CNTNAP2: variants seen among roughly 807,000 people sequenced by gnomAD.
CNTNAP2 encodes the protein contactin associated protein 2, also known as contactin-associated protein-like 2.
CNTNAP2 carries 98 observed loss-of-function variants against 155.2 expected under a neutral mutation model. The observed-to-expected ratio is 0.63, with a 90% CI of 0.54 to 0.75. CNTNAP2 has a LOEUF of 0.75. Ranked by LOEUF, CNTNAP2 falls within the 30% of genes least tolerant of loss-of-function variation. CNTNAP2 has a pLI of 0.00. For synonymous variants in CNTNAP2, 651 were observed against 631.2 expected, an observed-to-expected ratio of 1.03 and a Z score of -0.47; for missense variants, 1,727 against 1,688.1, an observed-to-expected ratio of 1.02 and a Z score of -0.40.
chr7:147,925,266 G>A (rs1329458632), intron 14 of CNTNAP2, among the ~76,000 whole-genome samples: 1 of 145,478 alleles, frequency 6.9e-6, no homozygotes, highest in Non-Finnish European at 1.5e-5. Context: ...CACATATAAT[G>A]CAGACAAACA....
At chr7:147,908,709 A>G (rs998431928) in intron 14 of CNTNAP2, among the ~76,000 whole-genome samples, 2 of 152,232 alleles carry the variant, frequency 1.3e-5, no homozygotes, top group Non-Finnish European at 2.9e-5. Flanking sequence ...AAACTCACAT[A>G]TGTTAAACCA....
At chr7:147,231,499 G>A (rs1803680714) in intron 8 of CNTNAP2, among the ~76,000 whole-genome samples, 1 of 152,144 alleles carries the variant, frequency 6.6e-6, no homozygotes, top group Non-Finnish European at 1.5e-5. Context: ...AGGTTTTTGA[G>A]GAAGCTCCAT....
At chr7:147,858,535 T>C (rs912290334) in intron 13 of CNTNAP2, among the ~76,000 whole-genome samples, 1 of 152,242 alleles carries the variant, frequency 6.6e-6, no homozygotes, top group Non-Finnish European at 1.5e-5. Context: ...GATTGAATTG[T>C]GTCACTGCCA....
At chr7:147,858,068 A>G (rs1799070639) in intron 13 of CNTNAP2, among the ~76,000 whole-genome samples, 2 of 152,176 alleles carry the variant, frequency 1.3e-5, no homozygotes, top group South Asian at 4.1e-4. Context: ...CAAGGACTGG[A>G]CGTTAATCAA....
intron 9 of CNTNAP2, among the ~76,000 whole-genome samples, chr7:147,314,054 A>G (rs35696833): frequency 0.035 from 5,261 of 151,538 alleles, 126 homozygotes; most frequent in Non-Finnish European, 0.052. Context: ...TCATGATTTG[A>G]CTCTCTGTTT....
intron 1 of CNTNAP2, among the ~76,000 whole-genome samples, chr7:146,248,269 G>A (rs185478090): frequency 3.3e-4 from 50 of 152,212 alleles, no homozygotes; most frequent in Middle Eastern, 3.4e-3. Flanking sequence ...AAGGAGAAGG[G>A]GTTGGGGGTT....
At chr7:146,211,242 C>T (rs1799030012) in intron 1 of CNTNAP2, among the ~76,000 whole-genome samples, 1 of 152,148 alleles carries the variant, frequency 6.6e-6, no homozygotes, top group African/African-American at 2.4e-5. Context: ...ACCTTCATTT[C>T]AGACATCTGA....
intron 3 of CNTNAP2, among the ~76,000 whole-genome samples, chr7:146,948,778 T>C (rs1444847054): frequency 2.0e-5 from 3 of 152,182 alleles, no homozygotes; most frequent in African/African-American, 7.2e-5. Flanking sequence ...AATTAACTTG[T>C]GGTGGTGTAC....
chr7:146,685,395 A>G (rs1800578913), intron 1 of CNTNAP2, among the ~76,000 whole-genome samples: 1 of 152,312 alleles, frequency 6.6e-6, no homozygotes, highest in East Asian at 1.9e-4. Flanking sequence ...AGAACAGAGA[A>G]TTGCATGGAC....
intron 21 of CNTNAP2, among the ~76,000 whole-genome samples, chr7:148,326,693 CGT>C (rs1403349990): frequency 6.6e-6 from 1 of 151,816 alleles, no homozygotes; most frequent in Non-Finnish European, 1.5e-5. Context: ...GGTGAAACCC[CGT>C]CTCTACTAAA....
Position 146,535,324 on chromosome 7 carries a change from T to G in CNTNAP2, c.98-238947T>G, listed in dbSNP as rs369334295. On this transcript the variant is annotated intron_variant, in intron 1 of 23. Transcript: ENST00000361727. ...ATATATGATATTATATCATATATATTATATATTATATAATGCATATTATAT... is the reference window on the plus strand; with the variant it reads ...ATATATGATATTATATCATATATATGATATATTATATAATGCATATTATAT... 2.2e-4 allele frequency among the ~76,000 whole-genome samples: 14 copies of G among 63,816 alleles called. 1 individual carries two copies. In the South Asian group the frequency reaches 4.7e-3, roughly 22 times the overall value. 41.9% of individuals were successfully genotyped at this position (63,816 alleles called of 152,430 possible).
intron 8 of CNTNAP2, among the ~76,000 whole-genome samples, chr7:147,254,831 A>C (rs1185766450): frequency 6.6e-6 from 1 of 152,188 alleles, no homozygotes; most frequent in Non-Finnish European, 1.5e-5. Flanking sequence ...CTTCTCTAGA[A>C]CTATCTTCTA....
At chr7:147,623,204 A>T (rs1029742879) in intron 12 of CNTNAP2, among the ~76,000 whole-genome samples, 3 of 152,142 alleles carry the variant, frequency 2.0e-5, no homozygotes, top group Admixed American at 1.3e-4. Flanking sequence ...CATGACAAGG[A>T]TGCCTACTTT....
intron 1 of CNTNAP2, among the ~76,000 whole-genome samples, chr7:146,384,449 G>A (rs1795432513): frequency 6.6e-6 from 1 of 152,222 alleles, no homozygotes; most frequent in East Asian, 1.9e-4. Context: ...AGTCATCAAA[G>A]ACAAATACTT....
intron 1 of CNTNAP2, among the ~76,000 whole-genome samples, chr7:146,305,636 G>A (rs1206305274): frequency 6.6e-6 from 1 of 151,958 alleles, no homozygotes; most frequent in Non-Finnish European, 1.5e-5. Flanking sequence ...TTGTCTCAGA[G>A]GGGCACCCTA....
chr7:147,243,384 G>A lies in CNTNAP2; in HGVS notation c.1349-56757G>A, dbSNP rs187536366. ...TTTATGTTATGTGTCAGATAGTCTGGACTTACAGGAAGACCTGTCCTCTTC... is the reference window on the plus strand; with the variant it reads ...TTTATGTTATGTGTCAGATAGTCTGAACTTACAGGAAGACCTGTCCTCTTC... On this transcript the variant is annotated intron_variant, in intron 8 of 23. Coordinates refer to ENST00000361727, the MANE Select transcript of CNTNAP2 (RefSeq NM_014141.6). Among the ~76,000 whole-genome samples the A allele has an allele frequency of 2.7e-3, 408 of 152,092 alleles. 1 individual carries two copies. Among genetic ancestry groups the A allele is most frequent in the African/African-American group, 9.2e-3 (382 of 41,482 alleles).
intron 14 of CNTNAP2, among the ~76,000 whole-genome samples, chr7:147,963,752 G>A (rs575449730): frequency 4.8e-4 from 73 of 152,104 alleles, no homozygotes; most frequent in African/African-American, 1.7e-3. Flanking sequence ...TTTCCTTCTC[G>A]AGCTATAACT....
At chr7:147,415,561 G>A (rs763088680) in intron 10 of CNTNAP2, among the ~76,000 whole-genome samples, 2 of 151,970 alleles carry the variant, frequency 1.3e-5, no homozygotes, top group African/African-American at 2.4e-5. Flanking sequence ...CTTCACCTTC[G>A]GCCATGATTG....
chr7:146,825,474 TA>T (rs1803382449), intron 2 of CNTNAP2, among the ~76,000 whole-genome samples: 1 of 152,154 alleles, frequency 6.6e-6, no homozygotes, highest in South Asian at 2.1e-4. Flanking sequence ...AGAGCACTCA[TA>T]AAAGGCATTT....
Sources: gnomAD v4.1 joint callset for allele counts (sites outside exome capture counted in the v4.1 genomes callset) on GRCh38, gnomAD v4.1.1 for gene constraint, MANE v1.5 for transcripts, NCBI Gene and HGNC (gene_info 2026-07-23, HGNC 2026-07-21) for gene names.